Variants in PRKG1 observed in about 807,000 individuals in gnomAD.
PRKG1 encodes the protein protein kinase cGMP-dependent 1.
A neutral mutation model predicts 88.1 loss-of-function variants in PRKG1; 35 were observed. The ratio of observed to expected loss-of-function variants is 0.40; its 90% confidence interval spans 0.30 to 0.53. The LOEUF (loss-of-function observed/expected upper bound fraction) is 0.53. PRKG1 is among the 20% of genes least tolerant of loss of function. The pLI is 0.59. For missense variants in PRKG1, 540 were observed against 839.8 expected (o/e 0.64, Z 4.41); for synonymous variants, 303 against 292.5 (o/e 1.04, Z -0.37).
At chr10:51,614,282 G>C (rs1358753558) in intron 3 of PRKG1, among the ~76,000 whole-genome samples, 1 of 151,728 alleles carries the variant, frequency 6.6e-6, no homozygotes, top group African/African-American at 2.4e-5. Context: ...CTTAAAGTCT[G>C]TTTTACCTGA....
chr10:52,042,345 C>T (rs1051305704), intron 5 of PRKG1, among the ~76,000 whole-genome samples: 6 of 152,040 alleles, frequency 3.9e-5, no homozygotes, highest in African/African-American at 1.4e-4. Context: ...GCTATAGTAA[C>T]CAAAACACAT....
chr10:51,778,612 T>C (rs1490703386), intron 3 of PRKG1, among the ~76,000 whole-genome samples: 1 of 152,192 alleles, frequency 6.6e-6, no homozygotes, highest in African/African-American at 2.4e-5. Flanking sequence ...CCACAAAAAA[T>C]GTGTGGTGAG....
intron 10 of PRKG1, among the ~76,000 whole-genome samples, chr10:52,268,971 T>A (rs1222188656): frequency 1.3e-5 from 2 of 151,848 alleles, no homozygotes; most frequent in Non-Finnish European, 2.9e-5. Context: ...GACTAGTTGC[T>A]TAGACTGAGA....
intron 5 of PRKG1, among the ~76,000 whole-genome samples, chr10:51,942,812 ATC>A (rs2133034069): frequency 6.6e-6 from 1 of 151,016 alleles, no homozygotes; most frequent in Admixed American, 6.6e-5. Context: ...ATTGATCTAT[ATC>A]TCTGTTTTGG....
At chr10:51,861,916 G>A (rs1471903861) in intron 4 of PRKG1, among the ~76,000 whole-genome samples, 1 of 152,148 alleles carries the variant, frequency 6.6e-6, no homozygotes, top group Non-Finnish European at 1.5e-5. Flanking sequence ...GGCTGCACTT[G>A]GCTCACACTA....
intron 3 of PRKG1, among the ~76,000 whole-genome samples, chr10:51,801,274 A>G (rs1342920517): frequency 2.0e-5 from 3 of 152,162 alleles, no homozygotes; most frequent in African/African-American, 7.2e-5. Flanking sequence ...GTGTTCCAGT[A>G]AGACTTTTAT....
intron 4 of PRKG1, among the ~76,000 whole-genome samples, chr10:51,819,733 C>T (rs1296786566): frequency 6.6e-6 from 1 of 152,160 alleles, no homozygotes; most frequent in African/African-American, 2.4e-5. Flanking sequence ...ACCAGGGAAA[C>T]AAGCCACACA....
At chr10:51,698,467 A>G in intron 3 of PRKG1, 1 of 1,613,974 alleles carries the variant, frequency 6.2e-7, no homozygotes, top group Non-Finnish European at 8.5e-7. Flanking sequence ...GCATGGGGGG[A>G]CCCTGATGGG....
At chr10:51,446,091 C>A (rs1267954408) in intron 2 of PRKG1, among the ~76,000 whole-genome samples, 4 of 151,810 alleles carry the variant, frequency 2.6e-5, no homozygotes, top group Non-Finnish European at 5.9e-5. Context: ...TATTCTGCAA[C>A]TTTTTTCTCA....
At chr10:51,409,656 C>T (rs1324067956) in intron 2 of PRKG1, among the ~76,000 whole-genome samples, 1 of 151,862 alleles carries the variant, frequency 6.6e-6, no homozygotes, top group Non-Finnish European at 1.5e-5. Context: ...AGATCAAGAT[C>T]ATCCTGGTCT....
chr10:52,178,088 A>G (rs1386244307), intron 9 of PRKG1, among the ~76,000 whole-genome samples: 6 of 151,248 alleles, frequency 4.0e-5, no homozygotes, highest in African/African-American at 1.5e-4. Flanking sequence ...GCATCATTAC[A>G]TTGTTTATTT....
intron 1 of PRKG1, among the ~76,000 whole-genome samples, chr10:51,075,634 G>A (rs1843929743): frequency 6.6e-6 from 1 of 152,220 alleles, no homozygotes; most frequent in African/African-American, 2.4e-5. Flanking sequence ...AGAGGTGGTT[G>A]CTTGTTTCCA....
intron 5 of PRKG1, among the ~76,000 whole-genome samples, chr10:51,953,007 T>G (rs899641158): frequency 2.6e-5 from 4 of 152,230 alleles, no homozygotes; most frequent in African/African-American, 9.6e-5. Flanking sequence ...TACTCATTGT[T>G]TCTTCTAAAT....
chr10:51,258,145 T>C (rs1564658400), intron 2 of PRKG1, among the ~76,000 whole-genome samples: 4 of 152,074 alleles, frequency 2.6e-5, no homozygotes, highest in Admixed American at 6.5e-5. Flanking sequence ...GTGACTTCTG[T>C]GTAAGGCTTC....
intron 3 of PRKG1, among the ~76,000 whole-genome samples, chr10:51,728,072 GA>G (rs1157787607): frequency 4.6e-5 from 7 of 151,512 alleles, no homozygotes; most frequent in South Asian, 2.1e-4. Flanking sequence ...CCACACAGAA[GA>G]AAAAAAAGGT....
At chr10:51,740,574 G>T (rs1837408029) in intron 3 of PRKG1, among the ~76,000 whole-genome samples, 2 of 152,026 alleles carry the variant, frequency 1.3e-5, no homozygotes. Context: ...CATTCTTTCT[G>T]TTGTGATATC....
At chr10:51,590,061 T>A (rs1838271432) in intron 3 of PRKG1, among the ~76,000 whole-genome samples, 1 of 152,170 alleles carries the variant, frequency 6.6e-6, no homozygotes, top group South Asian at 2.1e-4. Flanking sequence ...TAAGAGCTTG[T>A]GTTTGTGTGT....
chr10:51,160,906 G>A (rs1478563318), intron 2 of PRKG1, among the ~76,000 whole-genome samples: 1 of 131,850 alleles, frequency 7.6e-6, no homozygotes, highest in Non-Finnish European at 1.6e-5. Flanking sequence ...CTGTGTGTGT[G>A]TGCATGTGTG....
intron 1 of PRKG1, among the ~76,000 whole-genome samples, chr10:51,089,945 A>T (rs1163120985): frequency 6.6e-6 from 1 of 152,180 alleles, no homozygotes; most frequent in East Asian, 1.9e-4. Flanking sequence ...TTGAGAAGCC[A>T]CTGACTCCTG....
Sources: gnomAD v4.1 joint callset for allele counts (sites outside exome capture counted in the v4.1 genomes callset) on GRCh38, gnomAD v4.1.1 for gene constraint, MANE v1.5 for transcripts, NCBI Gene and HGNC (gene_info 2026-07-23, HGNC 2026-07-21) for gene names.